The following TMEM132E variants were observed in gnomAD, a reference collection of about 807,000 sequenced individuals.
The protein encoded by TMEM132E is transmembrane protein 132E.
A neutral mutation model predicts 78.5 loss-of-function variants in TMEM132E; 49 were observed. The observed-to-expected ratio is 0.62, with a 90% confidence interval of 0.50 to 0.79. The LOEUF (loss-of-function observed/expected upper bound fraction) is 0.79, where lower values mean the gene tolerates loss of function less well. Ranked by LOEUF, TMEM132E falls within the 30% of genes least tolerant of loss-of-function variation. The probability of loss-of-function intolerance (pLI) is 0.00; values close to 1 mark genes in which losing one functional copy is unlikely to be tolerated. For synonymous variants in TMEM132E, 715 were observed against 670.6 expected (o/e 1.07, Z -1.02); for missense variants, 1,403 against 1,470.9 (o/e 0.95, Z 0.75).
At chr17:34,589,215 G>A (rs1457210658) in intron 1 of TMEM132E, among the ~76,000 whole-genome samples, 1 of 152,226 alleles carries the variant, frequency 6.6e-6, no homozygotes, top group Admixed American at 6.5e-5. Flanking sequence ...GAGCCTTCGG[G>A]GTGGAGGGAC....
At chr17:34,606,440 C>A (rs1490171758) in intron 1 of TMEM132E, among the ~76,000 whole-genome samples, 2 of 152,210 alleles carry the variant, frequency 1.3e-5, no homozygotes, top group African/African-American at 4.8e-5. Context: ...CTGGAAAGGG[C>A]CTGAGAATTC....
intron 1 of TMEM132E, among the ~76,000 whole-genome samples, chr17:34,589,021 T>A (rs1293576534): frequency 6.6e-6 from 1 of 152,186 alleles, no homozygotes; most frequent in African/African-American, 2.4e-5. Context: ...CCCAAAGTGC[T>A]GGGATTACAG....
intron 1 of TMEM132E, among the ~76,000 whole-genome samples, chr17:34,584,494 G>A (rs1905597794): frequency 6.6e-6 from 1 of 152,216 alleles, no homozygotes; most frequent in African/African-American, 2.4e-5. Context: ...TGCTGTGTGA[G>A]GGGTATACAT....
In TMEM132E at chr17:34,632,840, A is replaced by G; in HGVS notation, c.1619A>G (p.His540Arg). The change falls in exon 6 of 9, where the codon CAC becomes CGC. Residue 540 changes from histidine (H) to arginine (R), a missense_variant. By Grantham distance (29) the His-to-Arg change is conservative. Coordinates refer to ENST00000631683, the MANE Select transcript of TMEM132E (RefSeq NM_001304438.2). ...GTCTGGGTCCCCAAGCTGCCCTTGC[A>G]CATTGAGCTCTCAGATGCCCGCCTC... ...MTVWVPKLPLHIELSDARLSQ... is the reference protein window; with the variant it reads ...MTVWVPKLPLRIELSDARLSQ... The G allele has an allele frequency of 6.2e-7, 1 of 1,614,212 alleles. No homozygotes were observed. Among genetic ancestry groups the G allele is most frequent in the Non-Finnish European group, 8.5e-7 (1 of 1,180,036 alleles).
At position 34,581,096 on chromosome 17, in the gene TMEM132E, G is replaced by A; in HGVS notation, c.20G>A (p.Gly7Asp). Residue 7 changes from glycine to aspartate, a missense_variant, in exon 1 of 9, where the codon GGC becomes GAC. Transcript: ENST00000631683. ...TCGGCCATGGCCCCGGGGATGTCGG[G>A]CCGCGGCGGCGCCGCCCTGCTCTGC... Reference protein sequence around the residue: MAPGMSGRGGAALLCLS... With the variant: MAPGMSDRGGAALLCLS... The A allele has an allele frequency of 6.5e-7, 1 of 1,546,568 alleles. No individual in the cohort carries two copies. Among genetic ancestry groups the A allele is most frequent in the East Asian group, 2.5e-5 (1 of 40,228 alleles).
In TMEM132E at chr17:34,606,152, C is replaced by T. The variant is rs1906406945; in HGVS notation, c.68-19975C>T. Among the ~76,000 whole-genome samples the T allele has an allele frequency of 1.3e-5, 2 of 152,128 alleles. 1 individual carries two copies. The highest frequency in any genetic ancestry group is 4.1e-4 in the South Asian group (2 of 4,822). ...CTCAGGTCAGGAGTTCGAGACCAGCCTGACCAACCTGGTGAAACCCCATCT... is the reference window on the plus strand; with the variant it reads ...CTCAGGTCAGGAGTTCGAGACCAGCTTGACCAACCTGGTGAAACCCCATCT... On this transcript the variant is annotated intron_variant, in intron 1 of 8. Transcript: ENST00000631683.
chr17:34,594,841 G>A (rs1396813310), intron 1 of TMEM132E, among the ~76,000 whole-genome samples: 1 of 152,150 alleles, frequency 6.6e-6, no homozygotes, highest in Non-Finnish European at 1.5e-5. Flanking sequence ...GCTTCAAGTG[G>A]TCCGCTCGCC....
chr17:34,639,310 C>T lies in TMEM132E; in HGVS notation c.*1078C>T, dbSNP rs543964157. ...AGGTGGGGGCAGCAGCTCCCATGAA[C>T]AGAGAGTACATGGTGGCTGGCTCTG... On this transcript the variant is annotated 3_prime_UTR_variant, in exon 9 of 9. Transcript: ENST00000631683. 1.2e-3 allele frequency: 181 copies of T among 152,680 alleles called. No homozygotes were observed. Among genetic ancestry groups the T allele is most frequent in the Non-Finnish European group, 1.0e-3 (68 of 68,060 alleles). The allele number at this position is 152,680 out of a possible 1,614,324, so 9.5% of individuals were successfully genotyped here.
At chr17:34,604,163 T>G (rs1906333674) in intron 1 of TMEM132E, among the ~76,000 whole-genome samples, 1 of 152,200 alleles carries the variant, frequency 6.6e-6, no homozygotes, top group African/African-American at 2.4e-5. Flanking sequence ...GGCAGTAACA[T>G]GTCCAAGGTC....
At chr17:34,616,279 A>G (rs1192006639) in intron 1 of TMEM132E, among the ~76,000 whole-genome samples, 1 of 152,082 alleles carries the variant, frequency 6.6e-6, no homozygotes, top group Non-Finnish European at 1.5e-5. Context: ...GCTGACTTTT[A>G]TTCCAACATT....
At chr17:34,635,922 G>T (rs1028036342) in intron 7 of TMEM132E, 85 bp from the exon 8 acceptor site, 2 of 1,282,744 alleles carry the variant, frequency 1.6e-6, no homozygotes. Flanking sequence ...TTCCAGCAGT[G>T]CTGGGATTTC....
At position 34,629,101 on chromosome 17, in the gene TMEM132E, A is replaced by T. The variant is rs778015631; in HGVS notation, c.1235A>T (p.His412Leu). The T allele has an allele frequency of 2.5e-6, 4 of 1,612,678 alleles. No homozygotes were observed. The East Asian group carries it at 8.9e-5, about 36-fold the overall frequency. Residue 412 changes from histidine (H) to leucine (L), a missense_variant, in exon 4 of 9, where the codon CAC becomes CTC. His to Leu is a moderately conservative substitution (Grantham distance 99, BLOSUM62 -3). This residue lies in a region of TMEM132E where 888 missense variants were observed against 952.8 expected (regional missense o/e 0.93). Transcript: ENST00000631683. Reference protein sequence around the residue: ...SQSVKRRIMWHIDYRGHGALP... With the variant: ...SQSVKRRIMWLIDYRGHGALP... ...TCAGTCAAGCGGAGGATCATGTGGC[A>T]CATTGACTACCGTGGCCACGGCGCC...
intron 1 of TMEM132E, among the ~76,000 whole-genome samples, chr17:34,621,811 C>T (rs928618598): frequency 6.7e-6 from 1 of 149,666 alleles, no homozygotes; most frequent in Non-Finnish European, 1.5e-5. Flanking sequence ...CGGGCAGGTG[C>T]CAGCCTGTGT....
chr17:34,630,154 G>C lies in TMEM132E; in HGVS notation c.1482+3G>C, dbSNP rs747698846. 1.2e-6 allele frequency: 2 copies of C among 1,607,714 alleles called. No individual in the cohort carries two copies. Among genetic ancestry groups the C allele is most frequent in the East Asian group, 4.5e-5 (2 of 44,618 alleles). On this transcript the variant is annotated splice_donor_region_variant and intron_variant, in intron 5 of 8. Coordinates refer to ENST00000631683, the MANE Select transcript of TMEM132E (RefSeq NM_001304438.2). ...CTGACAATGAAGACATCATCAAGGTGGGCATCCTGGAGGTGGGGCCCCTGG... is the reference window on the plus strand; with the variant it reads ...CTGACAATGAAGACATCATCAAGGTCGGCATCCTGGAGGTGGGGCCCCTGG...
intron 1 of TMEM132E, among the ~76,000 whole-genome samples, chr17:34,619,469 C>G (rs896557192): frequency 6.8e-6 from 1 of 148,082 alleles, no homozygotes. Context: ...AATCATGGCT[C>G]ATGCCCCCTC....
chr17:34,627,467 CGTGTGTGTGTGTGTGTGT>C (rs145658598), intron 2 of TMEM132E, among the ~76,000 whole-genome samples: 2 of 126,470 alleles, frequency 1.6e-5, no homozygotes, highest in Non-Finnish European at 3.3e-5. Context: ...CCAAAAGAAT[CGTGTGTGTGTGTGTGTGT>C]GTGTGTGTGT....
At chr17:34,612,884 G>A (rs1407126941) in intron 1 of TMEM132E, among the ~76,000 whole-genome samples, 1 of 151,764 alleles carries the variant, frequency 6.6e-6, no homozygotes, top group Non-Finnish European at 1.5e-5. Flanking sequence ...AGTGGGGTGG[G>A]AAAGATGCAG....
intron 1 of TMEM132E, among the ~76,000 whole-genome samples, chr17:34,590,340 C>G (rs1035834990): frequency 6.6e-6 from 1 of 152,256 alleles, no homozygotes; most frequent in Non-Finnish European, 1.5e-5. Context: ...CACCCTTTCC[C>G]TACACTCAGC....
At chr17:34,594,771 A>G (rs1462557971) in intron 1 of TMEM132E, among the ~76,000 whole-genome samples, 2 of 151,988 alleles carry the variant, frequency 1.3e-5, no homozygotes, top group African/African-American at 4.8e-5. Flanking sequence ...TGGTTTCTTG[A>G]GGTTTTATTT....
Sources: allele counts gnomAD v4.1 joint callset (sites outside exome capture counted in the v4.1 genomes callset), GRCh38; gene constraint gnomAD v4.1.1; regional missense constraint gnomAD v4.1.1; transcripts MANE v1.5; gene names NCBI Gene and HGNC (gene_info 2026-07-23, HGNC 2026-07-21).